Variants in VAV3 observed in about 807,000 individuals in gnomAD.
The protein encoded by VAV3 is guanine nucleotide exchange factor VAV3.
A neutral mutation model predicts 131.2 loss-of-function variants in VAV3; 94 were observed. The ratio of observed to expected loss-of-function variants is 0.72; its 90% CI spans 0.61 to 0.85. The LOEUF is 0.85. Among genes scored for constraint, VAV3 ranks in the 40% least tolerant of loss-of-function variants. The pLI, the probability that VAV3 is intolerant of heterozygous loss-of-function variation, is 0.00. For missense variants in VAV3, 939 were observed against 1,002.7 expected (o/e 0.94, Z 0.86); for synonymous variants, 349 against 342.0 (o/e 1.02, Z -0.22).
Position 107,680,127 on chromosome 1 carries a change from C to T in VAV3, c.1777+3361G>A, listed in dbSNP as rs891790031. Among the ~76,000 whole-genome samples the T allele has an allele frequency of 9.9e-5, 15 of 152,066 alleles. 1 individual carries two copies. The highest frequency in any genetic ancestry group is 9.2e-4 in the Admixed American group (14 of 15,262). ...CAAGCTACAACACAAACCTACAGTT[C>T]ACTCTTTCTTGGATTTGAATAAACC... On this transcript the variant is annotated intron_variant, in intron 19 of 26. Coordinates refer to ENST00000370056, the MANE Select transcript of VAV3 (RefSeq NM_006113.5).
At chr1:107,592,288 T>C (rs1415956539) in intron 25 of VAV3, among the ~76,000 whole-genome samples, 2 of 152,184 alleles carry the variant, frequency 1.3e-5, no homozygotes, top group Non-Finnish European at 2.9e-5. Flanking sequence ...ATTCCACTTA[T>C]GCTTTTTGGG....
chr1:107,700,516 T>C (rs887709870), intron 17 of VAV3, among the ~76,000 whole-genome samples: 23 of 152,192 alleles, frequency 1.5e-4, no homozygotes, highest in African/African-American at 5.5e-4. Context: ...TGTGTTCTCA[T>C]TGTTCAGCTC....
chr1:107,694,644 G>A (rs114072230), intron 17 of VAV3, among the ~76,000 whole-genome samples: 1,975 of 152,184 alleles, frequency 0.013, 37 homozygotes, highest in African/African-American at 0.045. Context: ...TAGTCTCTAC[G>A]AAGGTGGAAC....
chr1:107,940,089 A>G (rs1235177767), intron 1 of VAV3, among the ~76,000 whole-genome samples: 1 of 152,170 alleles, frequency 6.6e-6, no homozygotes, highest in Non-Finnish European at 1.5e-5. Flanking sequence ...TCATCCTCTC[A>G]AATTTCGTAT....
chr1:107,639,174 T>C (rs143883043), intron 20 of VAV3, among the ~76,000 whole-genome samples: 1 of 151,798 alleles, frequency 6.6e-6, no homozygotes, highest in East Asian at 1.9e-4. Context: ...AAAAAAAACC[T>C]CAAAATGAAT....
intron 25 of VAV3, among the ~76,000 whole-genome samples, chr1:107,583,654 A>T (rs1252424920): frequency 3.9e-5 from 6 of 152,148 alleles, no homozygotes; most frequent in Non-Finnish European, 8.8e-5. Flanking sequence ...TCCCATTCAC[A>T]ATTGCTTCAA....
At chr1:107,583,410 G>A (rs1650229271) in intron 25 of VAV3, among the ~76,000 whole-genome samples, 1 of 152,120 alleles carries the variant, frequency 6.6e-6, no homozygotes, top group African/African-American at 2.4e-5. Flanking sequence ...TCTGGCCAGG[G>A]CAATTAGGCA....
At chr1:107,614,059 T>C (rs904406890) in intron 21 of VAV3, among the ~76,000 whole-genome samples, 1 of 152,094 alleles carries the variant, frequency 6.6e-6, no homozygotes, top group Non-Finnish European at 1.5e-5. Flanking sequence ...CTTTTTTCTT[T>C]CCAATCCTGA....
At chr1:107,754,205 A>C (rs1229313937) in intron 12 of VAV3, among the ~76,000 whole-genome samples, 2 of 152,184 alleles carry the variant, frequency 1.3e-5, no homozygotes, top group Admixed American at 1.3e-4. Context: ...TATTGACTGA[A>C]TCTTGAAGAC....
chr1:107,737,447 A>C (rs1418033746), intron 15 of VAV3, among the ~76,000 whole-genome samples: 1 of 152,224 alleles, frequency 6.6e-6, no homozygotes, highest in African/African-American at 2.4e-5. Flanking sequence ...AATTTTTGCA[A>C]TCTACCCATC....
intron 20 of VAV3, among the ~76,000 whole-genome samples, chr1:107,633,058 G>C (rs1040654687): frequency 3.9e-5 from 6 of 152,146 alleles, no homozygotes; most frequent in African/African-American, 1.4e-4. Context: ...AGTTGTCACA[G>C]AATCTCAATT....
intron 24 of VAV3, among the ~76,000 whole-genome samples, chr1:107,598,349 T>C (rs1022173393): frequency 3.3e-5 from 5 of 150,632 alleles, no homozygotes; most frequent in Non-Finnish European, 1.5e-5. Context: ...AGAACGAAAC[T>C]CTGTCTCAAA....
chr1:107,798,521 A>C (rs1666663131), intron 2 of VAV3, among the ~76,000 whole-genome samples: 1 of 152,008 alleles, frequency 6.6e-6, no homozygotes, highest in Admixed American at 6.6e-5. Flanking sequence ...GATCGAGACC[A>C]TTCTGGCTAA....
chr1:107,805,648 T>C (rs758942980), intron 2 of VAV3, among the ~76,000 whole-genome samples: 3 of 152,172 alleles, frequency 2.0e-5, no homozygotes, highest in Non-Finnish European at 2.9e-5. Flanking sequence ...GCTGTTTCAT[T>C]AGGTTTGGTC....
intron 2 of VAV3, among the ~76,000 whole-genome samples, chr1:107,790,154 A>G (rs1666213669): frequency 6.6e-6 from 1 of 152,248 alleles, no homozygotes; most frequent in Non-Finnish European, 1.5e-5. Flanking sequence ...TCTTCAGTGG[A>G]ACCAGAAGAA....
intron 2 of VAV3, among the ~76,000 whole-genome samples, chr1:107,808,665 T>A (rs1236623191): frequency 6.7e-6 from 1 of 148,286 alleles, no homozygotes; most frequent in Non-Finnish European, 1.5e-5. Context: ...AAATCTTCTA[T>A]AATCTGAAGT....
At chr1:107,668,695 G>A in intron 19 of VAV3, 8 of 985,280 alleles carry the variant, frequency 8.1e-6, no homozygotes, top group Non-Finnish European at 9.6e-6. Flanking sequence ...AACTATGTTT[G>A]GACAGTCTAG....
Position 107,856,128 on chromosome 1 carries a change from G to T in VAV3, c.321+18773C>A, listed in dbSNP as rs541366086. Among the ~76,000 whole-genome samples the T allele has an allele frequency of 2.6e-5, 4 of 152,300 alleles. No individual in the cohort carries two copies. The South Asian group carries it at 8.3e-4, about 32-fold the overall frequency. ...AGGTGGAGTGGGTGAGAAGCAAGAT[G>T]AGAGAAAAGCCTATGGTCAGCAGCA... On this transcript the variant is annotated intron_variant, in intron 2 of 26. Transcript: ENST00000370056.
chr1:107,722,776 T>G (rs981456295), intron 15 of VAV3, among the ~76,000 whole-genome samples: 7 of 150,642 alleles, frequency 4.6e-5, no homozygotes, highest in African/African-American at 9.8e-5. Context: ...TTTTAAAGAG[T>G]GATGAAACAA....
Sources: allele counts gnomAD v4.1 joint callset (sites outside exome capture counted in the v4.1 genomes callset), GRCh38; gene constraint gnomAD v4.1.1; transcripts MANE v1.5; gene names NCBI Gene and HGNC (gene_info 2026-07-23, HGNC 2026-07-21).